CST3: variants seen among roughly 807,000 people sequenced by gnomAD.
CST3 encodes the protein cystatin-C.
In CST3, 14 loss-of-function variants were observed where a neutral mutation model predicts 9.0. The observed-to-expected ratio is 1.56, with a 90% confidence interval of 1.03 to 2.44. The LOEUF (loss-of-function observed/expected upper bound fraction) is 2.44, where lower values mean the gene tolerates loss of function less well. Among genes scored for constraint, CST3 ranks in the 30% most tolerant of loss-of-function variants. The probability of loss-of-function intolerance (pLI) is 0.00; values close to 1 mark genes in which losing one functional copy is unlikely to be tolerated. For synonymous variants in CST3, 96 were observed against 90.2 expected (o/e 1.06, Z -0.37); for missense variants, 237 against 204.3 (o/e 1.16, Z -0.98).
Position 23,637,728 on chromosome 20 carries a change from C to G in CST3, c.135G>C (p.Glu45Asp). The G allele has an allele frequency of 1.3e-6, 2 of 1,543,234 alleles. No homozygotes were observed. The highest frequency in any genetic ancestry group is 5.0e-5 in the East Asian group (2 of 39,806). The part of the protein sequence containing the change: ...LVGGPMDASV[E>D]EEGVRRALDF... The stretch of plus-strand genomic sequence containing the variant: ...CCAGTGCACGCCGCACACCCTCCTC[C>G]TCCACGCTGGCGTCCATGGGGCCTC... The change falls in exon 1 of 3, where the codon GAG becomes GAC. Residue 45 changes from glutamate to aspartate, a missense_variant. Coordinates refer to ENST00000376925, the MANE Select transcript of CST3 (RefSeq NM_000099.4).
At chr20:23,635,413 G>A (rs1169391611) in intron 1 of CST3, 46 bp from the exon 2 acceptor site, 4 of 1,523,526 alleles carry the variant, frequency 2.6e-6, no homozygotes, top group Admixed American at 3.6e-5. Context: ...CGTTCTGTCA[G>A]TTTCTTACAC....
At chr20:23,630,696 T>A (rs573598154), downstream of CST3, among the ~76,000 whole-genome samples, 9 of 151,864 alleles carry the variant, frequency 5.9e-5, no homozygotes, top group South Asian at 1.9e-3. Flanking sequence ...CCAGCTCTCC[T>A]CTGTCTCTCA....
chr20:23,636,489 G>A (rs1979679841), intron 1 of CST3, among the ~76,000 whole-genome samples: 1 of 152,188 alleles, frequency 6.6e-6, no homozygotes, highest in Non-Finnish European at 1.5e-5. Context: ...GCTGCCCTGG[G>A]ATGTAGGGGG....
At chr20:23,635,626 C>A (rs1344887741) in intron 1 of CST3, among the ~76,000 whole-genome samples, 1 of 152,136 alleles carries the variant, frequency 6.6e-6, no homozygotes, top group Non-Finnish European at 1.5e-5. Context: ...TACCTATGAC[C>A]CAGGGGGCAG....
chr20:23,630,240 G>A (rs1979405338), downstream of CST3, among the ~76,000 whole-genome samples: 1 of 152,178 alleles, frequency 6.6e-6, no homozygotes, highest in South Asian at 2.1e-4. Context: ...AGGCTCCCCA[G>A]TGACGCCATG....
At position 23,637,955 on chromosome 20, in the gene CST3, T is replaced by A; in HGVS notation, c.-93A>T. On this transcript the variant is annotated 5_prime_UTR_variant, in exon 1 of 3. Transcript: ENST00000376925. ...CCGCTGCGATACCGAGGCGAGGCCG[T>A]GAGCCCCGCGAGGCCGGCGACTGCG... The A allele has an allele frequency of 8.1e-7, 1 of 1,237,268 alleles. No homozygotes were observed. Among genetic ancestry groups the A allele is most frequent in the Non-Finnish European group, 1.0e-6 (1 of 986,838 alleles). 76.6% of individuals were successfully genotyped at this position (1,237,268 alleles called of 1,614,324 possible).
intron 1 of CST3, among the ~76,000 whole-genome samples, 171 bp from the exon 2 acceptor site, chr20:23,635,538 C>T (rs1408159828): frequency 6.6e-6 from 1 of 152,242 alleles, no homozygotes; most frequent in Admixed American, 6.5e-5. Context: ...CTCCTGCCAG[C>T]TGGCAGGGAT....
intron 2 of CST3, among the ~76,000 whole-genome samples, chr20:23,634,377 C>T (rs547324462): frequency 8.5e-5 from 13 of 152,116 alleles, no homozygotes; most frequent in South Asian, 2.1e-4. Flanking sequence ...CTATGAAGGG[C>T]GAGAGGGAAG....
At chr20:23,628,044 C>G in exon 4 of CST3, 1 of 151,832 alleles carries the variant, frequency 6.6e-6, no homozygotes, top group Non-Finnish European at 1.5e-5. Context: ...TTTTTCCTAT[C>G]ATGTGTGTTG....
At chr20:23,637,357 G>C (rs1268612835) in intron 1 of CST3, among the ~76,000 whole-genome samples, 1 of 152,222 alleles carries the variant, frequency 6.6e-6, no homozygotes, top group African/African-American at 2.4e-5. Context: ...CCGCGCTGCG[G>C]CGCAGCTCGA....
At chr20:23,634,417 A>T (rs948513284) in intron 2 of CST3, among the ~76,000 whole-genome samples, 1 of 152,204 alleles carries the variant, frequency 6.6e-6, no homozygotes, top group African/African-American at 2.4e-5. Flanking sequence ...TCCAAGTCAT[A>T]GCACATGGGG....
downstream of CST3, chr20:23,633,577 C>G (rs146157521): frequency 1.3e-3 from 618 of 475,546 alleles, 9 homozygotes; most frequent in African/African-American, 0.011. Context: ...TTCACACCAG[C>G]AGGACAAGGA....
chr20:23,637,155 G>A (rs1416421310), intron 1 of CST3, among the ~76,000 whole-genome samples: 1 of 152,224 alleles, frequency 6.6e-6, no homozygotes, highest in Non-Finnish European at 1.5e-5. Context: ...CAGCTGCTCT[G>A]TAAGTCTGAA....
exon 4 of CST3, chr20:23,627,090 A>G (rs1218668021): frequency 6.6e-6 from 1 of 152,240 alleles, no homozygotes; most frequent in Non-Finnish European, 1.5e-5. Context: ...GGTTCCGAGT[A>G]TATTCACAAA....
chr20:23,634,100 T>A, intron 2 of CST3, 101 bp from the exon 3 acceptor site: 1 of 957,184 alleles, frequency 1.0e-6, no homozygotes, highest in Non-Finnish European at 1.7e-6. Flanking sequence ...AGGATGGAGG[T>A]GAAACACTGG....
chr20:23,633,812 G>C lies in CST3; in HGVS notation c.*104C>G. ...TCTGTCTCCTGGTGCAGGCACATGG[G>C]GAGACCTTCCCCAAGGCAGGGGCCA... is the stretch of plus-strand genomic sequence containing the variant. On this transcript the variant is annotated 3_prime_UTR_variant, in exon 3 of 3. Coordinates refer to ENST00000376925, the MANE Select transcript of CST3 (RefSeq NM_000099.4). 1.0e-6 allele frequency: 1 copy of C among 983,678 alleles called. No homozygotes were observed. Among genetic ancestry groups the C allele is most frequent in the Non-Finnish European group, 1.6e-6 (1 of 613,010 alleles). The allele number at this position is 983,678 out of a possible 1,614,324, so 60.9% of individuals were successfully genotyped here.
chr20:23,632,970 C>T (rs1264209496), downstream of CST3, among the ~76,000 whole-genome samples: 2 of 152,222 alleles, frequency 1.3e-5, no homozygotes, highest in Admixed American at 1.3e-4. Context: ...TGAAGCTGGA[C>T]TAACAACTTG....
At chr20:23,634,080 G>C in intron 2 of CST3, 81 bp from the exon 3 acceptor site, 1 of 1,160,392 alleles carries the variant, frequency 8.6e-7, no homozygotes, top group South Asian at 1.2e-5. Flanking sequence ...CATCAGAGTG[G>C]GAGTGAAGAA....
At chr20:23,637,945 GGCGAGGCCGTGAGCCCC>G (rs1337596363) in exon 1 of CST3, 17 of 1,313,082 alleles carry the variant, frequency 1.3e-5, no homozygotes, top group Admixed American at 1.7e-4. Flanking sequence ...GCGATACCGA[GGCGAGGCCGTGAGCCCC>G]GCGAGGCCGG....
Sources: gnomAD v4.1 joint callset for allele counts (sites outside exome capture counted in the v4.1 genomes callset) on GRCh38, gnomAD v4.1.1 for gene constraint, MANE v1.5 for transcripts, NCBI Gene and HGNC (gene_info 2026-07-23, HGNC 2026-07-21) for gene names.